The following EYS variants were observed in gnomAD, a reference collection of about 807,000 sequenced individuals.
EYS encodes the protein EGF-like photoreceptor maintenance factor.
A neutral mutation model predicts 282.1 loss-of-function variants in EYS; 250 were observed. The ratio of observed to expected loss-of-function variants is 0.89; its 90% CI spans 0.80 to 0.98. The LOEUF (loss-of-function observed/expected upper bound fraction) is 0.98, where lower values mean the gene tolerates loss of function less well. Among genes scored for constraint, EYS ranks in the 50% least tolerant of loss-of-function variants. EYS has a pLI of 0.00. For synonymous variants in EYS, 1,355 were observed against 1,282.9 expected (o/e 1.06, Z -1.20); for missense variants, 4,016 against 3,709.0 (o/e 1.08, Z -2.15).
chr6:65,309,051 A>C (rs2150297132), intron 11 of EYS, among the ~76,000 whole-genome samples: 1 of 152,260 alleles, frequency 6.6e-6, no homozygotes, highest in Middle Eastern at 3.4e-3. Context: ...ATTGCATGGT[A>C]TTAAAACCTA....
intron 33 of EYS, among the ~76,000 whole-genome samples, chr6:64,000,166 GACTTTTTTTT>G (rs1768013815): frequency 1.3e-5 from 1 of 74,984 alleles, no homozygotes; most frequent in Non-Finnish European, 2.7e-5. Flanking sequence ...CAAGACATGG[GACTTTTTTTT>G]TTTTTTTTTT....
rs1768490462 is a variant in EYS, at chr6:65,443,380, AG to A, written c.863-38014del. 2.8e-5 allele frequency among the ~76,000 whole-genome samples: 4 copies of A among 140,774 alleles called. 2 individuals carry two copies. The highest frequency in any genetic ancestry group is 6.5e-5 in the Non-Finnish European group (4 of 61,916). The allele number at this position is 140,774 out of a possible 152,430, so 92.4% of individuals were successfully genotyped here. ...TATGCATACATGTATGTACACATAT[AG>A]ACATATATGCATACATGTATGTACA... On this transcript the variant is annotated intron_variant, in intron 5 of 42. Transcript: ENST00000503581.
chr6:64,661,206 CCT>C (rs1769002012), intron 22 of EYS, among the ~76,000 whole-genome samples: 1 of 152,116 alleles, frequency 6.6e-6, no homozygotes, highest in Non-Finnish European at 1.5e-5. Context: ...GAAACTGGAT[CCT>C]GTCCTTACAC....
At chr6:65,389,568 A>T (rs1394643529) in intron 7 of EYS, among the ~76,000 whole-genome samples, 1 of 152,140 alleles carries the variant, frequency 6.6e-6, no homozygotes, top group African/African-American at 2.4e-5. Context: ...ATTTGGCTTG[A>T]ACAAGGGTGT....
At chr6:63,913,122 T>A (rs983924664) in intron 35 of EYS, among the ~76,000 whole-genome samples, 5 of 152,152 alleles carry the variant, frequency 3.3e-5, no homozygotes, top group Non-Finnish European at 7.4e-5. Flanking sequence ...CCAGGGAAAG[T>A]CATTTTTTCA....
At chr6:65,696,597 G>A (rs1769465702) in intron 1 of EYS, among the ~76,000 whole-genome samples, 1 of 151,850 alleles carries the variant, frequency 6.6e-6, no homozygotes, top group African/African-American at 2.4e-5. Flanking sequence ...TATAGGGGAA[G>A]CTAAGATATG....
At chr6:65,292,907 T>C (rs1768565722) in intron 12 of EYS, among the ~76,000 whole-genome samples, 1 of 151,728 alleles carries the variant, frequency 6.6e-6, no homozygotes, top group South Asian at 2.1e-4. Context: ...CATAAAGATT[T>C]GCAAGTCAAA....
chr6:63,733,659 T>C (rs1768836566), intron 41 of EYS, among the ~76,000 whole-genome samples: 1 of 152,120 alleles, frequency 6.6e-6, no homozygotes, highest in Non-Finnish European at 1.5e-5. Context: ...CAAAGGAAAG[T>C]TTATTACAGC....
In EYS at chr6:65,285,765, G is replaced by C. The variant is rs187335679; in HGVS notation, c.2023+10098C>G. ...AGAAATATTACTGTCATATCACATT[G>C]AATTATAAATGCAGAGCTAACCTGG... On this transcript the variant is annotated intron_variant, in intron 12 of 42. Coordinates refer to ENST00000503581, the MANE Select transcript of EYS (RefSeq NM_001142800.2). Among the ~76,000 whole-genome samples the C allele has an allele frequency of 8.2e-4, 124 of 151,980 alleles. 1 individual carries two copies. Among genetic ancestry groups the C allele is most frequent in the African/African-American group, 2.9e-3 (119 of 41,514 alleles).
At chr6:64,389,320 T>C (rs1773021419) in intron 28 of EYS, among the ~76,000 whole-genome samples, 1 of 152,178 alleles carries the variant, frequency 6.6e-6, no homozygotes, top group African/African-American at 2.4e-5. Context: ...AATTAACAAA[T>C]GAATAAATCA....
intron 36 of EYS, among the ~76,000 whole-genome samples, chr6:63,812,057 C>T (rs561392439): frequency 6.6e-6 from 1 of 152,292 alleles, no homozygotes; most frequent in East Asian, 1.9e-4. Flanking sequence ...CGTATTGTAG[C>T]CAAAGTGGTC....
At chr6:63,894,956 A>G (rs537202712) in intron 35 of EYS, among the ~76,000 whole-genome samples, 15 of 152,028 alleles carry the variant, frequency 9.9e-5, no homozygotes, top group African/African-American at 3.6e-4. Flanking sequence ...CTAATACAGC[A>G]TCTGATGTGT....
intron 1 of EYS, among the ~76,000 whole-genome samples, chr6:65,656,685 A>G (rs926768924): frequency 1.3e-5 from 2 of 151,952 alleles, no homozygotes; most frequent in African/African-American, 4.8e-5. Context: ...GAAAGGAGTC[A>G]TTCCTATAAT....
chr6:63,942,116 T>G (rs1334101277), intron 35 of EYS, among the ~76,000 whole-genome samples: 2 of 152,210 alleles, frequency 1.3e-5, no homozygotes, highest in African/African-American at 4.8e-5. Flanking sequence ...TATAAGGATC[T>G]TTAAGGCTGA....
intron 19 of EYS, among the ~76,000 whole-genome samples, chr6:64,876,129 G>A (rs1766743917): frequency 6.6e-6 from 1 of 151,750 alleles, no homozygotes; most frequent in African/African-American, 2.4e-5. Flanking sequence ...ATTTTACTTT[G>A]TAATATTACA....
At chr6:65,000,179 C>G (rs1771416548) in intron 13 of EYS, among the ~76,000 whole-genome samples, 1 of 152,170 alleles carries the variant, frequency 6.6e-6, no homozygotes, top group Non-Finnish European at 1.5e-5. Flanking sequence ...TCCTGCCTGT[C>G]TATACGTTCC....
rs538057584 is a variant in EYS at position 65,058,187 on chromosome 6, G to A, written c.2024-460C>T. On this transcript the variant is annotated intron_variant, in intron 12 of 42. Transcript: ENST00000503581. ...TGTTTTGGAGAGGGAATCTCGCTCC[G>A]TCTCCCAGGCTGTAGTGCAGTGGTG... Among the ~76,000 whole-genome samples the A allele has an allele frequency of 3.9e-5, 6 of 152,196 alleles. No individual in the cohort carries two copies. The South Asian group carries it at 6.2e-4, about 16-fold the overall frequency.
At chr6:64,667,616 T>C (rs1769278921) in intron 22 of EYS, among the ~76,000 whole-genome samples, 1 of 152,118 alleles carries the variant, frequency 6.6e-6, no homozygotes, top group African/African-American at 2.4e-5. Context: ...TAAATTTCTC[T>C]AAAGAGTAGT....
Position 65,562,539 on chromosome 6 carries a change from T to A in EYS, c.-332-66546A>T, listed in dbSNP as rs1177563190. ...CTTCCAAATTTAATAAACATAGGTA[T>A]CTTGAAGTAGGTATACCATGTTCTC... On this transcript the variant is annotated intron_variant, in intron 2 of 42. Transcript: ENST00000503581. 2.0e-5 allele frequency among the ~76,000 whole-genome samples: 3 copies of A among 152,000 alleles called. No homozygotes were observed. The East Asian group carries it at 5.8e-4, about 29-fold the overall frequency.
Sources: allele counts gnomAD v4.1 joint callset (sites outside exome capture counted in the v4.1 genomes callset), GRCh38; gene constraint gnomAD v4.1.1; transcripts MANE v1.5; gene names NCBI Gene and HGNC (gene_info 2026-07-23, HGNC 2026-07-21).